PDE4D: variants seen among roughly 807,000 people sequenced by gnomAD.
PDE4D encodes the protein phosphodiesterase 4D, also known as 3',5'-cyclic-AMP phosphodiesterase 4D.
PDE4D carries 24 observed loss-of-function variants against 87.4 expected under a neutral mutation model. That is an observed-to-expected ratio of 0.27 (90% CI 0.20 to 0.39). PDE4D has a LOEUF of 0.39. Ranked by LOEUF, PDE4D falls within the 10% of genes least tolerant of loss-of-function variation. The pLI is 1.00. For synonymous variants in PDE4D, 384 were observed against 383.2 expected (o/e 1.00, Z -0.02); for missense variants, 714 against 1,041.0 (o/e 0.69, Z 4.32).
intron 1 of PDE4D, among the ~76,000 whole-genome samples, chr5:59,740,384 G>C (rs1758663336): frequency 6.6e-6 from 1 of 152,114 alleles, no homozygotes; most frequent in Non-Finnish European, 1.5e-5. Flanking sequence ...AGGGAAAAGA[G>C]TGTGGAAAAG....
chr5:59,036,208 C>T (rs1758470446), intron 6 of PDE4D, among the ~76,000 whole-genome samples: 1 of 152,190 alleles, frequency 6.6e-6, no homozygotes, highest in African/African-American at 2.4e-5. Context: ...AATAAGTATT[C>T]TCTATCACCA....
chr5:59,086,566 C>T (rs904119740), intron 5 of PDE4D, among the ~76,000 whole-genome samples: 3 of 152,112 alleles, frequency 2.0e-5, no homozygotes, highest in Non-Finnish European at 4.4e-5. Flanking sequence ...AACTACAATA[C>T]CTACCTACCA....
chr5:60,313,211 T>C (rs1024416827), intron 1 of PDE4D, among the ~76,000 whole-genome samples: 3 of 150,922 alleles, frequency 2.0e-5, no homozygotes, highest in Non-Finnish European at 4.4e-5. Flanking sequence ...AAAAGAGAGA[T>C]GATCCAAATA....
At chr5:60,198,841 T>G (rs896950252) in intron 1 of PDE4D, among the ~76,000 whole-genome samples, 2 of 151,498 alleles carry the variant, frequency 1.3e-5, no homozygotes, top group Non-Finnish European at 3.0e-5. Flanking sequence ...AAGCATTGGG[T>G]TTTTTAGGAG....
At chr5:59,193,328 T>C (rs1561671734) in intron 3 of PDE4D, among the ~76,000 whole-genome samples, 172 bp downstream of exon 3, 2 of 152,196 alleles carry the variant, frequency 1.3e-5, no homozygotes, top group Non-Finnish European at 2.9e-5. Flanking sequence ...CAGATTAATA[T>C]AGCCAAAGTC....
intron 1 of PDE4D, among the ~76,000 whole-genome samples, chr5:59,224,096 G>C (rs1240274466): frequency 7.1e-6 from 1 of 140,366 alleles, no homozygotes; most frequent in Non-Finnish European, 1.5e-5. Context: ...GACCAGCCTG[G>C]GCAACATGAT....
chr5:59,895,575 C>T (rs1167450516), upstream of PDE4D, among the ~76,000 whole-genome samples: 3 of 152,222 alleles, frequency 2.0e-5, no homozygotes, highest in Non-Finnish European at 4.4e-5. Flanking sequence ...GGCACTAAGC[C>T]AGTATTTTCC....
chr5:59,304,760 T>C (rs1422258625), intron 1 of PDE4D, among the ~76,000 whole-genome samples: 1 of 152,170 alleles, frequency 6.6e-6, no homozygotes. Context: ...TTGATCATGG[T>C]GGATTATCTT....
At chr5:59,287,784 G>A (rs1293595498) in intron 1 of PDE4D, among the ~76,000 whole-genome samples, 1 of 152,044 alleles carries the variant, frequency 6.6e-6, no homozygotes, top group Admixed American at 6.5e-5. Context: ...TTGTTTGGGA[G>A]AAAGTAAGAG....
rs371738220 is a variant in PDE4D at position 59,343,737 on chromosome 5, A to G, written c.456-127769T>C. Reference sequence around the variant, plus strand: ...CTTGGATCATTTACAATTTTCTCATACCTCCATAATGTTATTTCTGTAAGC... The same window carrying G: ...CTTGGATCATTTACAATTTTCTCATGCCTCCATAATGTTATTTCTGTAAGC... On this transcript the variant is annotated intron_variant, in intron 1 of 14. Coordinates refer to ENST00000340635, the MANE Select transcript of PDE4D (RefSeq NM_001104631.2). Among the ~76,000 whole-genome samples, 4 of 152,244 alleles carry G rather than the reference A, an allele frequency of 2.6e-5. No homozygotes were observed. The East Asian group carries it at 7.7e-4, about 29-fold the overall frequency.
intron 1 of PDE4D, among the ~76,000 whole-genome samples, chr5:59,555,227 C>G (rs1456961225): frequency 1.3e-5 from 2 of 152,118 alleles, no homozygotes; most frequent in Non-Finnish European, 2.9e-5. Flanking sequence ...AGGCATTATC[C>G]TTAGCAAACT....
chr5:59,874,688 T>G (rs1249472362), intron 1 of PDE4D, among the ~76,000 whole-genome samples: 3 of 152,188 alleles, frequency 2.0e-5, no homozygotes, highest in Non-Finnish European at 4.4e-5. Context: ...CGGAACTGGG[T>G]TCTTGCCTTG....
chr5:59,373,990 T>C (rs1430004452), intron 1 of PDE4D, among the ~76,000 whole-genome samples: 1 of 152,138 alleles, frequency 6.6e-6, no homozygotes, highest in African/African-American at 2.4e-5. Context: ...GGGAATTTGT[T>C]ACCACCAGAC....
intron 6 of PDE4D, chr5:59,001,914 A>G: frequency 3.2e-6 from 1 of 312,730 alleles, no homozygotes; most frequent in Non-Finnish European, 6.3e-6. Flanking sequence ...TGCGTCAGAC[A>G]CTGTCAGGTG....
intron 2 of PDE4D, among the ~76,000 whole-genome samples, chr5:60,046,358 TTCCTTC>T (rs2050853525): frequency 6.6e-6 from 1 of 152,176 alleles, no homozygotes; most frequent in African/African-American, 2.4e-5. Context: ...TACCCTTTAT[TTCCTTC>T]TCCTGCCTAA....
intron 2 of PDE4D, among the ~76,000 whole-genome samples, chr5:60,149,828 T>C (rs1233735473): frequency 6.8e-6 from 1 of 147,958 alleles, no homozygotes; most frequent in African/African-American, 2.5e-5. Context: ...AGATATATAG[T>C]ATATGTAGAT....
intron 1 of PDE4D, among the ~76,000 whole-genome samples, chr5:60,412,414 T>C (rs1561223240): frequency 6.6e-6 from 1 of 152,186 alleles, no homozygotes; most frequent in Non-Finnish European, 1.5e-5. Flanking sequence ...CATCTGGAGG[T>C]ATTTGGGCAG....
intron 1 of PDE4D, among the ~76,000 whole-genome samples, chr5:59,237,374 C>G (rs1196613351): frequency 6.6e-6 from 1 of 152,108 alleles, no homozygotes; most frequent in Non-Finnish European, 1.5e-5. Flanking sequence ...TTGCCAATTT[C>G]TTTACATCCA....
chr5:59,419,554 A>C (rs1398541524), intron 1 of PDE4D, among the ~76,000 whole-genome samples: 1 of 152,192 alleles, frequency 6.6e-6, no homozygotes, highest in African/African-American at 2.4e-5. Flanking sequence ...TTATAGTTAC[A>C]TGTGCATTAT....
Sources: allele counts gnomAD v4.1 joint callset (sites outside exome capture counted in the v4.1 genomes callset), GRCh38; gene constraint gnomAD v4.1.1; transcripts MANE v1.5; gene names NCBI Gene and HGNC (gene_info 2026-07-23, HGNC 2026-07-21).